MTBP: variants seen among roughly 807,000 people sequenced by gnomAD.
MTBP encodes mdm2-binding protein.
A neutral mutation model predicts 117.0 loss-of-function variants in MTBP; 101 were observed. That is an observed-to-expected ratio of 0.86 (90% CI 0.73 to 1.02). The LOEUF is 1.02. Among genes scored for constraint, MTBP ranks in the 50% least tolerant of loss-of-function variants. The pLI is 0.00. For missense variants in MTBP, 970 were observed against 1,030.9 expected (o/e 0.94, Z 0.81); for synonymous variants, 350 against 351.5 (o/e 1.00, Z 0.05).
intron 15 of MTBP, among the ~76,000 whole-genome samples, chr8:120,503,879 A>G (rs1490629231): frequency 6.6e-6 from 1 of 152,098 alleles, no homozygotes; most frequent in Non-Finnish European, 1.5e-5. Flanking sequence ...AATGTTGAAG[A>G]TCATTTAGAT....
intron 17 of MTBP, among the ~76,000 whole-genome samples, chr8:120,510,510 T>C (rs964663238): frequency 6.6e-6 from 1 of 152,154 alleles, no homozygotes. Context: ...TAAACTATGG[T>C]ATATTTATAT....
chr8:120,512,982 G>A (rs1274486595), intron 17 of MTBP, among the ~76,000 whole-genome samples: 1 of 152,050 alleles, frequency 6.6e-6, no homozygotes, highest in African/African-American at 2.4e-5. Flanking sequence ...TGATACAAAG[G>A]AATATTTGGA....
intron 17 of MTBP, among the ~76,000 whole-genome samples, chr8:120,510,559 C>T (rs941546989): frequency 2.0e-5 from 3 of 152,050 alleles, no homozygotes; most frequent in African/African-American, 4.8e-5. Flanking sequence ...AATGAAATAT[C>T]GATACATCCA....
Position 120,453,929 on chromosome 8 carries a change from A to G in MTBP, c.484+24A>G, listed in dbSNP as rs1238983158. The G allele has an allele frequency of 3.5e-6, 5 of 1,409,632 alleles. No individual in the cohort carries two copies. The East Asian group carries it at 9.4e-5, about 27-fold the overall frequency. The allele number at this position is 1,409,632 out of a possible 1,614,324, so 87.3% of individuals were successfully genotyped here. On this transcript the variant is annotated intron_variant, in intron 5 of 21. Transcript: ENST00000305949. Reference sequence around the variant, plus strand: ...TGGTAATATTTTATGACTGCTTTCAATAATTTGTATCTTATCTTATTACAC... The same window carrying G: ...TGGTAATATTTTATGACTGCTTTCAGTAATTTGTATCTTATCTTATTACAC...
At chr8:120,471,306 T>A (rs1813811895) in intron 11 of MTBP, 2 of 159,188 alleles carry the variant, frequency 1.3e-5, no homozygotes, top group South Asian at 3.6e-4. Flanking sequence ...TAGAAGTTAT[T>A]TATTTATTTA....
chr8:120,480,052 AAAG>A (rs757268961), intron 11 of MTBP, among the ~76,000 whole-genome samples: 9 of 152,150 alleles, frequency 5.9e-5, no homozygotes, highest in Non-Finnish European at 1.2e-4. Context: ...GAGAGTAACT[AAAG>A]AAGATATAAG....
At chr8:120,481,394 G>T (rs1476736936) in intron 11 of MTBP, among the ~76,000 whole-genome samples, 2 of 152,144 alleles carry the variant, frequency 1.3e-5, no homozygotes, top group Non-Finnish European at 2.9e-5. Flanking sequence ...AGCATTATTT[G>T]TAATAGCCAA....
rs1157655309 is a variant in MTBP at position 120,523,282 on chromosome 8, T to A, written c.2677-16T>A. 6.6e-7 allele frequency: 1 copy of A among 1,518,346 alleles called. No homozygotes were observed. The highest frequency in any genetic ancestry group is 8.9e-7 in the Non-Finnish European group (1 of 1,117,846). 94.1% of individuals were successfully genotyped at this position (1,518,346 alleles called of 1,614,324 possible). ...TCAAGAGAAATCTTCTGTAATCATATTTTTTCTCCCCCTAGGTGATTGACT... is the reference window on the plus strand; with the variant it reads ...TCAAGAGAAATCTTCTGTAATCATAATTTTTCTCCCCCTAGGTGATTGACT... On this transcript the variant is annotated splice_polypyrimidine_tract_variant and intron_variant, in intron 21 of 21. Transcript: ENST00000305949.
At chr8:120,446,155 A>G (rs1348432735) in intron 1 of MTBP, among the ~76,000 whole-genome samples, 5 of 152,216 alleles carry the variant, frequency 3.3e-5, no homozygotes, top group South Asian at 4.1e-4. Flanking sequence ...GTGGTTGTGT[A>G]TAAGGTATTG....
chr8:120,510,504 C>CTA (rs1270256461), intron 17 of MTBP, among the ~76,000 whole-genome samples: 1 of 152,046 alleles, frequency 6.6e-6, no homozygotes, highest in Non-Finnish European at 1.5e-5. Flanking sequence ...AATAGATAAA[C>CTA]TATGGTATAT....
Position 120,517,835 on chromosome 8 carries a change from T to C in MTBP, c.2247-16T>C, listed in dbSNP as rs1417292334. 2.5e-6 allele frequency: 4 copies of C among 1,596,870 alleles called. No homozygotes were observed. The highest frequency in any genetic ancestry group is 3.4e-6 in the Non-Finnish European group (4 of 1,171,086). Reference sequence around the variant, plus strand: ...CGCTTAATCTACGTTCTTGATTTTTTTCCCCTGCTATATAGACTTGTGAAA... The same window carrying C: ...CGCTTAATCTACGTTCTTGATTTTTCTCCCCTGCTATATAGACTTGTGAAA... On this transcript the variant is annotated splice_polypyrimidine_tract_variant and intron_variant, in intron 18 of 21. Transcript: ENST00000305949.
chr8:120,473,500 T>C (rs1003268817), intron 11 of MTBP: 1 of 152,148 alleles, frequency 6.6e-6, no homozygotes, highest in Admixed American at 6.6e-5. Context: ...CGCTGTGAAA[T>C]TTATACTCAA....
rs147041963 is a variant in MTBP, at chr8:120,497,537, C to G, written c.1592C>G (p.Thr531Ser). ...MILRKMDKIKTFNILNDFSPV... is the reference protein window; with the variant it reads ...MILRKMDKIKSFNILNDFSPV... Reference sequence around the variant, plus strand: ...CTAAGAAAGATGGACAAAATTAAAACCTTCAATATATTAAATGGTAAGTTT... The same window carrying G: ...CTAAGAAAGATGGACAAAATTAAAAGCTTCAATATATTAAATGGTAAGTTT... The change falls in exon 14 of 22, where the codon ACC becomes AGC. Residue 531 changes from threonine (T) to serine (S), a missense_variant. Physicochemically the swap from Thr to Ser is moderately conservative, Grantham distance 58. Transcript: ENST00000305949. 4.6e-6 allele frequency: 7 copies of G among 1,514,914 alleles called. No homozygotes were observed. Among genetic ancestry groups the G allele is most frequent in the East Asian group, 2.3e-5 (1 of 43,194 alleles). 93.8% of individuals were successfully genotyped at this position (1,514,914 alleles called of 1,614,324 possible).
chr8:120,510,476 G>T (rs1814778424), intron 17 of MTBP, among the ~76,000 whole-genome samples: 1 of 152,000 alleles, frequency 6.6e-6, no homozygotes, highest in African/African-American at 2.4e-5. Flanking sequence ...AAAGAGCCTA[G>T]GAGGATATCA....
At chr8:120,461,367 C>T (rs1024183150) in intron 9 of MTBP, 112 bp downstream of exon 9, 5 of 734,250 alleles carry the variant, frequency 6.8e-6, no homozygotes, top group Non-Finnish European at 1.1e-5. Flanking sequence ...ATTATATTCA[C>T]TGTTTTAATG....
At position 120,467,023 on chromosome 8, in the gene MTBP, G is replaced by A. The variant is rs149758105; in HGVS notation, c.1047+3262G>A. Among the ~76,000 whole-genome samples, 67 of 152,292 alleles carry A rather than the reference G, an allele frequency of 4.4e-4. 1 individual carries two copies. The highest frequency in any genetic ancestry group is 1.5e-3 in the African/African-American group (63 of 41,564). ...CCCTTTCTCAAGAAACTTTCATGGT[G>A]CTTAAATTCTATTGCTTTGTGTGAT... is the stretch of plus-strand genomic sequence containing the variant. On this transcript the variant is annotated intron_variant, in intron 10 of 21. Transcript: ENST00000305949.
chr8:120,461,401 A>T, intron 9 of MTBP, 146 bp downstream of exon 9: 5 of 574,572 alleles, frequency 8.7e-6, no homozygotes, highest in Non-Finnish European at 1.5e-5. Context: ...AGGCTGCTGG[A>T]CTCCTTATTT....
chr8:120,498,310 A>G (rs1469370318), intron 14 of MTBP, among the ~76,000 whole-genome samples: 1 of 152,226 alleles, frequency 6.6e-6, no homozygotes, highest in Non-Finnish European at 1.5e-5. Flanking sequence ...AAGTACCAAA[A>G]AAGATGTTAT....
chr8:120,472,415 C>G (rs1813835264), intron 11 of MTBP: 1 of 151,652 alleles, frequency 6.6e-6, no homozygotes, highest in South Asian at 2.1e-4. Context: ...AATAAGCCAC[C>G]CCGAAACTTA....
Sources: allele counts gnomAD v4.1 joint callset (sites outside exome capture counted in the v4.1 genomes callset), GRCh38; gene constraint gnomAD v4.1.1; transcripts MANE v1.5; gene names NCBI Gene and HGNC (gene_info 2026-07-23, HGNC 2026-07-21).